SH3TC2: variants seen among roughly 807,000 people sequenced by gnomAD.
SH3TC2 encodes SH3 domain and tetratricopeptide repeats 2.
A neutral mutation model predicts 124.5 loss-of-function variants in SH3TC2; 87 were observed. The ratio of observed to expected loss-of-function variants is 0.70; its 90% CI spans 0.59 to 0.84. SH3TC2 has a LOEUF of 0.84. Among genes scored for constraint, SH3TC2 ranks in the 40% least tolerant of loss-of-function variants. SH3TC2 has a pLI of 0.00. For missense variants in SH3TC2, 1,536 were observed against 1,566.4 expected, an observed-to-expected ratio of 0.98 and a Z score of 0.33; for synonymous variants, 634 against 628.5, an observed-to-expected ratio of 1.01 and a Z score of -0.13.
chr5:148,998,595 C>T lies in SH3TC2; in HGVS notation c.*6116G>A, dbSNP rs1753547619. Among the ~76,000 whole-genome samples, 2 of 152,236 alleles carry T rather than the reference C, an allele frequency of 1.3e-5. No individual in the cohort carries two copies. The highest frequency in any genetic ancestry group is 1.3e-4 in the Admixed American group (2 of 15,290). The stretch of plus-strand genomic sequence containing the variant: ...TTTTGAAAGCACAGCATCCTTCCCT[C>T]TCACCTGCCTCGCAGTCTGTACTGG... On this transcript the variant is annotated 3_prime_UTR_variant, in exon 17 of 17. Coordinates refer to ENST00000515425, the MANE Select transcript of SH3TC2 (RefSeq NM_024577.4).
Position 149,004,807 on chromosome 5 carries a change from C to T in SH3TC2, c.3771G>A (p.Leu1257=), listed in dbSNP as rs1472880531. 1.2e-6 allele frequency: 2 copies of T among 1,614,152 alleles called. No homozygotes were observed. Among genetic ancestry groups the T allele is most frequent in the African/African-American group, 1.3e-5 (1 of 75,032 alleles). ...EELQDTIRSR[L]DNICQSPLWH... is the part of the protein sequence containing the mutation. ...ACAGGGGGCTCTGGCAGATGTTGTC[C>T]AGCCTGCTCCTAATGGTGTCCTGAA... Residue 1257 remains leucine (L), a synonymous_variant, in exon 17 of 17, where the codon CTG becomes CTA. Coordinates refer to ENST00000515425, the MANE Select transcript of SH3TC2 (RefSeq NM_024577.4).
In SH3TC2 at chr5:149,003,428, G is replaced by T; in HGVS notation, c.*1283C>A. On this transcript the variant is annotated 3_prime_UTR_variant, in exon 17 of 17. Transcript: ENST00000515425. ...TGGCAAGTGGCTGCAGGAAGCCTCT[G>T]GCCAACAGCTAGCAAAAAACTGACT... 6.4e-6 allele frequency: 1 copy of T among 157,140 alleles called. No homozygotes were observed. Among genetic ancestry groups the T allele is most frequent in the Non-Finnish European group, 1.4e-5 (1 of 71,152 alleles). The allele number at this position is 157,140 out of a possible 1,614,324, so 9.7% of individuals were successfully genotyped here.
chr5:149,028,881 T>A (rs989349478), intron 9 of SH3TC2, among the ~76,000 whole-genome samples, 163 bp from the exon 10 acceptor site: 1 of 152,134 alleles, frequency 6.6e-6, no homozygotes, highest in African/African-American at 2.4e-5. Context: ...CCCATCATCT[T>A]AAGAGCTGTA....
rs1753656989 is a variant in SH3TC2, at chr5:149,004,775, C to A, written c.3803G>T (p.Ser1268Ile). ...CTCTGAGGAGCACCCGGAGGGCCTGCTGTGCCACAGGGGGCTCTGGCAGAT... is the reference window on the plus strand; with the variant it reads ...CTCTGAGGAGCACCCGGAGGGCCTGATGTGCCACAGGGGGCTCTGGCAGAT... ...DNICQSPLWHSRPSGCSSERA... is the reference protein window; with the variant it reads ...DNICQSPLWHIRPSGCSSERA... The change falls in exon 17 of 17, where the codon AGC (serine) becomes ATC (isoleucine). Residue 1268 changes from serine (S) to isoleucine (I), a missense_variant. Ser to Ile is a moderately radical substitution (Grantham distance 142). Coordinates refer to ENST00000515425, the MANE Select transcript of SH3TC2 (RefSeq NM_024577.4). 1.2e-6 allele frequency: 2 copies of A among 1,614,096 alleles called. No homozygotes were observed. Among genetic ancestry groups the A allele is most frequent in the Non-Finnish European group, 1.7e-6 (2 of 1,180,022 alleles).
intron 1 of SH3TC2, among the ~76,000 whole-genome samples, chr5:149,061,318 G>A (rs555213209): frequency 2.0e-5 from 3 of 152,268 alleles, no homozygotes; most frequent in South Asian, 2.1e-4. Flanking sequence ...AAGCAGAGCC[G>A]CTCTAGGTAG....
At chr5:149,048,809 G>A (rs1057095034) in intron 2 of SH3TC2, among the ~76,000 whole-genome samples, 1 of 152,226 alleles carries the variant, frequency 6.6e-6, no homozygotes, top group African/African-American at 2.4e-5. Context: ...GTGCTTGAAG[G>A]CAGGGGATAC....
rs770552712 is a variant in SH3TC2, at chr5:149,042,813, T to A, written c.410A>T (p.His137Leu). The A allele has an allele frequency of 6.2e-7, 1 of 1,614,164 alleles. No individual in the cohort carries two copies. Among genetic ancestry groups the A allele is most frequent in the African/African-American group, 1.3e-5 (1 of 75,036 alleles). ...CCAGTACTTGTGGTCAAAGAGGAGA[T>A]GTTCTAGACACATGGATACGTAGCC... ...NLGYVSMCLE[H>L]LLFDHKYWLN... is the part of the protein sequence containing the mutation. Residue 137 changes from histidine (H) to leucine (L), a missense_variant, in exon 5 of 17, where the codon CAT becomes CTT. Around this residue, in one of 3 missense-constraint regions of SH3TC2, gnomAD observed 1,102 missense variants for 1,098.6 expected, o/e 1.00. Coordinates refer to ENST00000515425, the MANE Select transcript of SH3TC2 (RefSeq NM_024577.4).
At chr5:149,037,296 CT>C (rs139646713) in intron 8 of SH3TC2, among the ~76,000 whole-genome samples, 36,540 of 152,062 alleles carry the variant, frequency 0.24, 4,944 homozygotes, top group African/African-American at 0.36. Flanking sequence ...TCTTGATATC[CT>C]TTTCTTCCTT....
chr5:149,040,537 C>T lies in SH3TC2; in HGVS notation c.805+67G>A, dbSNP rs1754351443. The T allele has an allele frequency of 1.8e-5, 26 of 1,417,450 alleles. No homozygotes were observed. The South Asian group carries it at 2.4e-4, about 13-fold the overall frequency. 87.8% of individuals were successfully genotyped at this position (1,417,450 alleles called of 1,614,324 possible). A position where few individuals can be genotyped will look rare whatever the true frequency, so the allele number is the denominator to read the frequency against. The stretch of plus-strand genomic sequence containing the variant: ...TTCACATCAACTGACTCCAAACCTG[C>T]AGATAAAATTGAGAGGCAGGACAAC... On this transcript the variant is annotated intron_variant, in intron 7 of 16. Coordinates refer to ENST00000515425, the MANE Select transcript of SH3TC2 (RefSeq NM_024577.4).
chr5:149,018,254 T>C (rs1753908293), intron 12 of SH3TC2, among the ~76,000 whole-genome samples: 1 of 152,118 alleles, frequency 6.6e-6, no homozygotes, highest in African/African-American at 2.4e-5. Flanking sequence ...ATGTTCACTG[T>C]ACAGGTCTGG....
chr5:149,048,510 G>A (rs1754505506), intron 2 of SH3TC2, among the ~76,000 whole-genome samples: 1 of 152,178 alleles, frequency 6.6e-6, no homozygotes, highest in Admixed American at 6.5e-5. Flanking sequence ...TTCTGATACT[G>A]CAATTATTAA....
At chr5:149,030,428 A>G (rs568441776) in intron 9 of SH3TC2, among the ~76,000 whole-genome samples, 91 of 152,266 alleles carry the variant, frequency 6.0e-4, no homozygotes, top group African/African-American at 2.2e-3. Context: ...CCTCCCCACC[A>G]CTGGACCAAC....
Position 148,987,410 on chromosome 5 carries a change from A to G in SH3TC2, c.*17301T>C, listed in dbSNP as rs1012900530. Among the ~76,000 whole-genome samples the G allele has an allele frequency of 1.3e-5, 2 of 152,248 alleles. No homozygotes were observed. The highest frequency in any genetic ancestry group is 4.8e-5 in the African/African-American group (2 of 41,464). Reference sequence around the variant, plus strand: ...GGAATCTAACAACTATTTATTGAGTATGTAAGTAAACTTGAGGAGATAAGG... The same window carrying G: ...GGAATCTAACAACTATTTATTGAGTGTGTAAGTAAACTTGAGGAGATAAGG... On this transcript the variant is annotated 3_prime_UTR_variant, in exon 17 of 17. Transcript: ENST00000515425.
intron 10 of SH3TC2, 28 bp from the exon 11 acceptor site, chr5:149,028,582 C>T (rs998608568): frequency 6.2e-7 from 1 of 1,614,188 alleles, no homozygotes; most frequent in Non-Finnish European, 8.5e-7. Context: ...GTTGAGCAAC[C>T]TTGGGCACCT....
chr5:149,026,233 A>G, intron 12 of SH3TC2: 1 of 312,954 alleles, frequency 3.2e-6, no homozygotes, highest in South Asian at 3.5e-5. Flanking sequence ...CACACAAGTA[A>G]CAGTGGCATT....
rs540193889 is a variant in SH3TC2, at chr5:149,000,624, G to A, written c.*4087C>T. Reference sequence around the variant, plus strand: ...TTGTAAAGGCTCTTTGGTGCATATCGTGATAAATGCATGCATACATACACA... The same window carrying A: ...TTGTAAAGGCTCTTTGGTGCATATCATGATAAATGCATGCATACATACACA... On this transcript the variant is annotated 3_prime_UTR_variant, in exon 17 of 17. Transcript: ENST00000515425. Among the ~76,000 whole-genome samples the A allele has an allele frequency of 2.0e-4, 30 of 152,244 alleles. 1 individual carries two copies. Among genetic ancestry groups the A allele is most frequent in the Admixed American group, 1.3e-3 (20 of 15,292 alleles).
intron 12 of SH3TC2, among the ~76,000 whole-genome samples, chr5:149,019,509 A>C (rs1335590654): frequency 6.6e-6 from 1 of 152,150 alleles, no homozygotes; most frequent in Non-Finnish European, 1.5e-5. Context: ...TTTCCTCCCA[A>C]TTGTACAAAT....
At position 148,994,862 on chromosome 5, in the gene SH3TC2, G is replaced by A. The variant is rs1753483523; in HGVS notation, c.*9849C>T. 6.6e-6 allele frequency among the ~76,000 whole-genome samples: 1 copy of A among 152,130 alleles called. No homozygotes were observed. The highest frequency in any genetic ancestry group is 2.1e-4 in the South Asian group (1 of 4,812). ...ATATGCATCCAATCTCCCCCAAACA[G>A]ACTGACAGATACTCAAGGGCAAGGA... On this transcript the variant is annotated 3_prime_UTR_variant, in exon 17 of 17. Transcript: ENST00000515425.
At chr5:149,038,206 C>G (rs1006395311) in intron 8 of SH3TC2, 89 bp downstream of exon 8, 15 of 1,331,712 alleles carry the variant, frequency 1.1e-5, no homozygotes, top group Non-Finnish European at 1.6e-5. Context: ...AGGGCACCCT[C>G]GAAGCTCAAC....
Sources: gnomAD v4.1 joint callset for allele counts (sites outside exome capture counted in the v4.1 genomes callset) on GRCh38, gnomAD v4.1.1 for gene constraint, gnomAD v4.1.1 regional missense constraint, MANE v1.5 for transcripts, NCBI Gene and HGNC (gene_info 2026-07-23, HGNC 2026-07-21) for gene names.